Variants in GLIS1 observed in about 807,000 individuals in gnomAD.
The protein encoded by GLIS1 is zinc finger protein GLIS1.
GLIS1 carries 24 observed loss-of-function variants against 63.8 expected under a neutral mutation model. That is an observed-to-expected ratio of 0.38 (90% CI 0.27 to 0.53). GLIS1 has a LOEUF of 0.53. Among genes scored for constraint, GLIS1 ranks in the 20% least tolerant of loss-of-function variants. GLIS1 has a pLI of 0.85. For missense variants in GLIS1, 1,036 were observed against 1,074.1 expected, an observed-to-expected ratio of 0.96 and a Z score of 0.50; for synonymous variants, 450 against 482.5, an observed-to-expected ratio of 0.93 and a Z score of 0.88.
At chr1:53,513,630 C>T (rs907166152) in intron 8 of GLIS1, among the ~76,000 whole-genome samples, 6 of 152,314 alleles carry the variant, frequency 3.9e-5, no homozygotes, top group Non-Finnish European at 7.4e-5. Flanking sequence ...GCTTCCTTGC[C>T]GCACACCACT....
chr1:53,519,764 G>A (rs1644387828), intron 7 of GLIS1, among the ~76,000 whole-genome samples: 2 of 152,192 alleles, frequency 1.3e-5, no homozygotes, highest in South Asian at 4.1e-4. Context: ...CCCATCTCTG[G>A]GCCACAGAGT....
intron 10 of GLIS1, among the ~76,000 whole-genome samples, chr1:53,508,762 C>G (rs1477754424): frequency 6.6e-6 from 1 of 152,178 alleles, no homozygotes; most frequent in African/African-American, 2.4e-5. Context: ...TTGTTCATTC[C>G]CTGCTATATC....
At chr1:53,578,923 AACAT>A (rs1645058109) in intron 4 of GLIS1, among the ~76,000 whole-genome samples, 2 of 152,094 alleles carry the variant, frequency 1.3e-5, no homozygotes, top group Non-Finnish European at 2.9e-5. Context: ...GGGTGAAGAA[AACAT>A]GTACCATTCT....
intron 4 of GLIS1, among the ~76,000 whole-genome samples, chr1:53,559,378 T>G (rs1371823952): frequency 6.6e-6 from 1 of 152,144 alleles, no homozygotes; most frequent in African/African-American, 2.4e-5. Flanking sequence ...CCCGGGGTTT[T>G]GGACTCTGAG....
chr1:53,689,347 G>T (rs1646376605), intron 2 of GLIS1, among the ~76,000 whole-genome samples: 1 of 152,198 alleles, frequency 6.6e-6, no homozygotes, highest in Admixed American at 6.5e-5. Context: ...CACAGCAGCT[G>T]CCCTCCTTCT....
intron 2 of GLIS1, among the ~76,000 whole-genome samples, chr1:53,729,698 C>T (rs1231081828): frequency 6.6e-6 from 1 of 152,190 alleles, no homozygotes; most frequent in East Asian, 1.9e-4. Flanking sequence ...TATCCTGTTT[C>T]ATAAACCTTC....
chr1:53,608,043 C>T (rs114881803), intron 2 of GLIS1, among the ~76,000 whole-genome samples: 144 of 150,918 alleles, frequency 9.5e-4, no homozygotes, highest in African/African-American at 3.4e-3. Flanking sequence ...CACACTGCAG[C>T]CTCAAGTTCC....
At chr1:53,512,250 T>C (rs535610372) in intron 8 of GLIS1, among the ~76,000 whole-genome samples, 1 of 152,334 alleles carries the variant, frequency 6.6e-6, no homozygotes. Flanking sequence ...GCTCCTCCTC[T>C]GAGTCATGCA....
chr1:53,536,655 C>G (rs1644584267), intron 4 of GLIS1, among the ~76,000 whole-genome samples: 1 of 152,086 alleles, frequency 6.6e-6, no homozygotes, highest in Non-Finnish European at 1.5e-5. Flanking sequence ...ATATGTGTCC[C>G]TAACCACTCT....
At chr1:53,613,642 T>C (rs1262895619) in intron 2 of GLIS1, among the ~76,000 whole-genome samples, 1 of 52,594 alleles carries the variant, frequency 1.9e-5, no homozygotes, top group Non-Finnish European at 4.0e-5. Flanking sequence ...TTAAAAATGA[T>C]ATTTTTGGTG....
At chr1:53,600,929 T>A (rs555910816) in intron 2 of GLIS1, among the ~76,000 whole-genome samples, 2 of 152,310 alleles carry the variant, frequency 1.3e-5, no homozygotes, top group Middle Eastern at 6.8e-3. Context: ...TCTAGGAAGA[T>A]TAGCTGAAGC....
intron 2 of GLIS1, among the ~76,000 whole-genome samples, chr1:53,708,913 C>T (rs1646609266): frequency 6.6e-6 from 1 of 152,152 alleles, no homozygotes; most frequent in East Asian, 1.9e-4. Context: ...ACACAAGGGG[C>T]ACTTACCACA....
intron 2 of GLIS1, among the ~76,000 whole-genome samples, chr1:53,647,869 C>A (rs1353196476): frequency 6.6e-6 from 1 of 152,084 alleles, no homozygotes; most frequent in Non-Finnish European, 1.5e-5. Flanking sequence ...AAAAGGCAAA[C>A]AACTCAATTA....
intron 2 of GLIS1, among the ~76,000 whole-genome samples, chr1:53,604,978 G>C (rs1360218007): frequency 6.6e-6 from 1 of 151,164 alleles, no homozygotes; most frequent in Non-Finnish European, 1.5e-5. Flanking sequence ...ACACAAATGA[G>C]TGGGACTGTG....
chr1:53,696,655 C>CT (rs1646468293), intron 2 of GLIS1, among the ~76,000 whole-genome samples: 3 of 138,900 alleles, frequency 2.2e-5, no homozygotes, highest in Middle Eastern at 3.5e-3. Context: ...TTATTTCTCT[C>CT]CTTCCCTCCA....
intron 4 of GLIS1, among the ~76,000 whole-genome samples, chr1:53,593,814 G>A (rs147542986): frequency 1.3e-5 from 2 of 152,220 alleles, no homozygotes; most frequent in African/African-American, 2.4e-5. Flanking sequence ...TTTTCCAATC[G>A]CATGTGCACA....
intron 2 of GLIS1, among the ~76,000 whole-genome samples, chr1:53,684,851 G>C (rs1646314381): frequency 6.6e-6 from 1 of 152,158 alleles, no homozygotes; most frequent in Non-Finnish European, 1.5e-5. Flanking sequence ...AGCCTGGCTT[G>C]CTGTGTGGCT....
intron 2 of GLIS1, among the ~76,000 whole-genome samples, chr1:53,645,184 C>T (rs1316481935): frequency 6.6e-6 from 1 of 152,216 alleles, no homozygotes; most frequent in Non-Finnish European, 1.5e-5. Flanking sequence ...CCCCCCCAGA[C>T]ATCTGCATGG....
intron 2 of GLIS1, among the ~76,000 whole-genome samples, chr1:53,674,171 C>CAAAA (rs11297748): frequency 1.2e-4 from 11 of 94,090 alleles, no homozygotes; most frequent in South Asian, 3.6e-4. Context: ...GACTCTGTCT[C>CAAAA]AAAAAAAAAA....
Sources: gnomAD v4.1 joint callset for allele counts (sites outside exome capture counted in the v4.1 genomes callset) on GRCh38, gnomAD v4.1.1 for gene constraint, MANE v1.5 for transcripts, NCBI Gene and HGNC (gene_info 2026-07-23, HGNC 2026-07-21) for gene names.